L3MBTL1: variants seen among roughly 807,000 people sequenced by gnomAD.
L3MBTL1 encodes the protein lethal(3)malignant brain tumor-like protein 1.
L3MBTL1 carries 75 observed loss-of-function variants against 105.3 expected under a neutral mutation model. That is an observed-to-expected ratio of 0.71 (90% CI 0.59 to 0.86). L3MBTL1 has a LOEUF of 0.86. Among genes scored for constraint, L3MBTL1 ranks in the 40% least tolerant of loss-of-function variants. The pLI is 0.00. For missense variants in L3MBTL1, 1,069 were observed against 1,126.4 expected (o/e 0.95, Z 0.73); for synonymous variants, 452 against 436.2 (o/e 1.04, Z -0.45).
intron 1 of L3MBTL1, 75 bp from the exon 2 acceptor site, chr20:43,513,401 A>G: frequency 7.0e-7 from 1 of 1,424,172 alleles, no homozygotes; most frequent in Non-Finnish European, 9.4e-7. Flanking sequence ...AAGAAGCCCC[A>G]TCCCTTCACA....
At chr20:43,510,487 C>T (rs773266330) in intron 1 of L3MBTL1, among the ~76,000 whole-genome samples, 1 of 150,164 alleles carries the variant, frequency 6.7e-6, no homozygotes, top group African/African-American at 2.4e-5. Flanking sequence ...TTACCGCAAC[C>T]TCCACCTCCT....
intron 21 of L3MBTL1, 24 bp from the exon 22 acceptor site, chr20:43,540,910 G>T (rs577567639): frequency 1.2e-6 from 2 of 1,613,400 alleles, no homozygotes; most frequent in Non-Finnish European, 1.7e-6. Flanking sequence ...TTCTGCTAAG[G>T]AGGGACCCGT....
rs1476531213 is a variant in L3MBTL1 at position 43,514,712 on chromosome 20, C to T, written c.438C>T (p.Gly146=). The T allele has an allele frequency of 6.3e-7, 1 of 1,581,662 alleles. No individual in the cohort carries two copies. Among genetic ancestry groups the T allele is most frequent in the East Asian group, 2.3e-5 (1 of 43,572 alleles). The change falls in exon 4 of 22, where the codon GGC becomes GGT. Residue 146 remains glycine, a synonymous_variant. Coordinates refer to ENST00000418998, the MANE Select transcript of L3MBTL1 (RefSeq NM_001377303.1). ...QPPSPELRQE[G]VTEYEDGGAP... Reference sequence around the variant, plus strand: ...CGAGCCCCGAGCTGCGGCAGGAAGGCGTGACCGAATACGAAGATGGCGGGG... The same window carrying T: ...CGAGCCCCGAGCTGCGGCAGGAAGGTGTGACCGAATACGAAGATGGCGGGG...
chr20:43,534,404 G>A lies in L3MBTL1; in HGVS notation c.1710+10G>A, dbSNP rs1211750595. The A allele has an allele frequency of 6.2e-7, 1 of 1,611,826 alleles. No individual in the cohort carries two copies. Reference sequence around the variant, plus strand: ...GGACCATCGGATAAAGGTGGCTCTGGGACCCTAGGGCTGGGAAGTGGACAG... The same window carrying A: ...GGACCATCGGATAAAGGTGGCTCTGAGACCCTAGGGCTGGGAAGTGGACAG... On this transcript the variant is annotated intron_variant, in intron 15 of 21. Coordinates refer to ENST00000418998, the MANE Select transcript of L3MBTL1 (RefSeq NM_001377303.1).
chr20:43,541,932 C>T (rs117588547), downstream of L3MBTL1: 71 of 984,694 alleles, frequency 7.2e-5, no homozygotes, highest in East Asian at 5.7e-3. Context: ...CTTTGTCGGC[C>T]GGGCACAGTG....
At chr20:43,536,325 T>C (rs565064395) in intron 18 of L3MBTL1, 31 bp downstream of exon 18, 1 of 1,611,774 alleles carries the variant, frequency 6.2e-7, no homozygotes, top group Non-Finnish European at 8.5e-7. Context: ...GGGCCCGGGC[T>C]TCCTGGGGGT....
At chr20:43,516,520 C>T (rs1417432173) in intron 7 of L3MBTL1, among the ~76,000 whole-genome samples, 1 of 152,194 alleles carries the variant, frequency 6.6e-6, no homozygotes, top group Non-Finnish European at 1.5e-5. Context: ...GGCAAGCCTG[C>T]ACTGGTCATT....
chr20:43,531,734 A>G (rs1439102515), intron 11 of L3MBTL1: 1 of 151,718 alleles, frequency 6.6e-6, no homozygotes, highest in East Asian at 1.9e-4. Context: ...AGAAGTATGT[A>G]TCAGTCTTAC....
rs751366314 is a variant in L3MBTL1, at chr20:43,541,157, A to G, written c.*29A>G. On this transcript the variant is annotated 3_prime_UTR_variant, in exon 22 of 22. Coordinates refer to ENST00000418998, the MANE Select transcript of L3MBTL1 (RefSeq NM_001377303.1). ...GTACTTTTTTCCCCTTTAATCCAAT[A>G]TAGTTGATAATTAAAGTGTATTTTG... The G allele has an allele frequency of 6.9e-6, 11 of 1,599,450 alleles. No individual in the cohort carries two copies. Among genetic ancestry groups the G allele is most frequent in the Admixed American group, 1.7e-5 (1 of 59,298 alleles).
intron 7 of L3MBTL1, among the ~76,000 whole-genome samples, chr20:43,518,635 G>A (rs985121953): frequency 3.9e-5 from 6 of 151,938 alleles, no homozygotes; most frequent in African/African-American, 1.2e-4. Flanking sequence ...CCCAGTGGAC[G>A]CTTGAAACCA....
At chr20:43,538,329 A>C (rs921711759) in intron 19 of L3MBTL1, among the ~76,000 whole-genome samples, 1 of 152,224 alleles carries the variant, frequency 6.6e-6, no homozygotes, top group Admixed American at 6.5e-5. Flanking sequence ...GGGAAGCTAC[A>C]TCTTTCCAGA....
rs1426064678 is a variant in L3MBTL1, at chr20:43,541,528, T to C, written c.*400T>C. 5.4e-6 allele frequency: 1 copy of C among 184,394 alleles called. No homozygotes were observed. Among genetic ancestry groups the C allele is most frequent in the Non-Finnish European group, 1.2e-5 (1 of 86,456 alleles). The allele number at this position is 184,394 out of a possible 1,614,324, so 11.4% of individuals were successfully genotyped here. A position where few individuals can be genotyped will look rare whatever the true frequency, so the allele number is the denominator to read the frequency against. ...GTGTCACTAGGCAATTCTGTCATTG[T>C]GTAAACATTATAGAATGTACTTACA... On this transcript the variant is annotated 3_prime_UTR_variant, in exon 22 of 22. Coordinates refer to ENST00000418998, the MANE Select transcript of L3MBTL1 (RefSeq NM_001377303.1).
chr20:43,516,003 C>T (rs2018368012), intron 6 of L3MBTL1, 90 bp from the exon 7 acceptor site: 1 of 976,310 alleles, frequency 1.0e-6, no homozygotes, highest in African/African-American at 1.6e-5. Context: ...ACCACATGGC[C>T]AGAGAGCCAG....
intron 10 of L3MBTL1, among the ~76,000 whole-genome samples, 164 bp downstream of exon 10, chr20:43,530,583 G>A (rs1166685424): frequency 6.6e-6 from 1 of 152,220 alleles, no homozygotes; most frequent in Admixed American, 6.5e-5. Flanking sequence ...CTGGGGCCAA[G>A]TTGACCAGAA....
At chr20:43,543,597 G>GGATC (rs1165545939), downstream of L3MBTL1, among the ~76,000 whole-genome samples, 1 of 152,166 alleles carries the variant, frequency 6.6e-6, no homozygotes, top group Non-Finnish European at 1.5e-5. Flanking sequence ...TGGGGTCTGA[G>GGATC]GATCACCATC....
intron 7 of L3MBTL1, among the ~76,000 whole-genome samples, chr20:43,522,449 CCTG>C (rs2018764538): frequency 7.6e-6 from 1 of 132,120 alleles, no homozygotes; most frequent in African/African-American, 2.7e-5. Flanking sequence ...TGAATTTTTC[CCTG>C]CTAAGTTTTT....
At chr20:43,530,442 A>G (rs1488331330) in intron 10 of L3MBTL1, 23 bp downstream of exon 10, 1 of 1,611,324 alleles carries the variant, frequency 6.2e-7, no homozygotes, top group Non-Finnish European at 8.5e-7. Context: ...TGGGTTGGTC[A>G]CAGTGAGGCA....
chr20:43,531,011 TCTCTC>T, intron 11 of L3MBTL1, 122 bp downstream of exon 11: 2 of 778,752 alleles, frequency 2.6e-6, no homozygotes, highest in Non-Finnish European at 4.2e-6. Context: ...TTTGTTCTGA[TCTCTC>T]ATATCAGATG....
At position 43,532,668 on chromosome 20, in the gene L3MBTL1, C is replaced by G. The variant is rs1393751220; in HGVS notation, c.1285-105C>G. ...TTTCTCCTTCCTTTCTCACTGCCCA[C>G]ACCCCAGGCTTTCCTAGAGAACCTA... On this transcript the variant is annotated intron_variant, in intron 11 of 21. Transcript: ENST00000418998. 2.4e-6 allele frequency: 3 copies of G among 1,238,774 alleles called. No individual in the cohort carries two copies. In the East Asian group the frequency reaches 7.0e-5, roughly 29 times the overall value. The allele number at this position is 1,238,774 out of a possible 1,614,324, so 76.7% of individuals were successfully genotyped here.
Sources: allele counts gnomAD v4.1 joint callset (sites outside exome capture counted in the v4.1 genomes callset), GRCh38; gene constraint gnomAD v4.1.1; transcripts MANE v1.5; gene names NCBI Gene and HGNC (gene_info 2026-07-23, HGNC 2026-07-21).